CTNND2: variants seen among roughly 807,000 people sequenced by gnomAD.
The protein encoded by CTNND2 is catenin delta 2.
CTNND2 carries 22 observed loss-of-function variants against 144.4 expected under a neutral mutation model. That is an observed-to-expected ratio of 0.15 (90% CI 0.11 to 0.22). The LOEUF is 0.22. CTNND2 is among the 10% of genes least tolerant of loss of function. CTNND2 has a pLI of 1.00. For missense variants in CTNND2, 1,353 were observed against 1,618.8 expected (o/e 0.84, Z 2.82); for synonymous variants, 751 against 695.6 (o/e 1.08, Z -1.25).
intron 9 of CTNND2, among the ~76,000 whole-genome samples, chr5:11,327,010 T>C (rs80238974): frequency 0.014 from 2,139 of 152,194 alleles, 12 homozygotes; most frequent in South Asian, 0.047. Flanking sequence ...TCCTCCTAAT[T>C]GGTAAGGAGC....
intron 3 of CTNND2, among the ~76,000 whole-genome samples, chr5:11,450,967 T>C (rs1765266836): frequency 6.6e-6 from 1 of 151,850 alleles, no homozygotes; most frequent in Admixed American, 6.6e-5. Context: ...CCTTCACAGT[T>C]TTGGACAAAA....
At chr5:11,697,847 A>C in intron 2 of CTNND2, among the ~76,000 whole-genome samples, 1 of 152,192 alleles carries the variant, frequency 6.6e-6, no homozygotes, top group East Asian at 1.9e-4. Flanking sequence ...ACTGCAGCCT[A>C]AAGGACGGGA....
At chr5:11,638,969 C>T (rs1781853371) in intron 2 of CTNND2, among the ~76,000 whole-genome samples, 1 of 152,106 alleles carries the variant, frequency 6.6e-6, no homozygotes, top group African/African-American at 2.4e-5. Flanking sequence ...CCGGTTTTGG[C>T]CCATCTTTTC....
intron 1 of CTNND2, among the ~76,000 whole-genome samples, chr5:11,757,202 C>G (rs1484200056): frequency 6.6e-6 from 1 of 151,402 alleles, no homozygotes; most frequent in Non-Finnish European, 1.5e-5. Flanking sequence ...CACACACACA[C>G]ATAACAAAAA....
At chr5:11,112,295 T>C (rs938466072) in intron 13 of CTNND2, among the ~76,000 whole-genome samples, 2 of 152,190 alleles carry the variant, frequency 1.3e-5, no homozygotes, top group Non-Finnish European at 2.9e-5. Context: ...AAGGGGCCTG[T>C]ACGTCAAAGA....
chr5:11,194,340 T>G (rs1736640495), intron 11 of CTNND2, among the ~76,000 whole-genome samples: 1 of 152,024 alleles, frequency 6.6e-6, no homozygotes, highest in East Asian at 1.9e-4. Flanking sequence ...TTCACCTAGG[T>G]TGAAAGAATA....
At chr5:11,327,763 G>A (rs1752679560) in intron 9 of CTNND2, among the ~76,000 whole-genome samples, 2 of 152,150 alleles carry the variant, frequency 1.3e-5, no homozygotes, top group Admixed American at 1.3e-4. Context: ...AGACATTAAT[G>A]CGTGCAGAAA....
rs527799806 is a variant in CTNND2, at chr5:11,890,716, T to C, written c.37+13101A>G. Among the ~76,000 whole-genome samples, 8 of 152,290 alleles carry C rather than the reference T, an allele frequency of 5.3e-5. 1 individual carries two copies. Among genetic ancestry groups the C allele is most frequent in the Admixed American group, 5.2e-4 (8 of 15,300 alleles). ...GGAAGGAGACATGGAAACAAACCTGTAAACCAACAAATAAATGAGATGATT... is the reference window on the plus strand; with the variant it reads ...GGAAGGAGACATGGAAACAAACCTGCAAACCAACAAATAAATGAGATGATT... On this transcript the variant is annotated intron_variant, in intron 1 of 21. Transcript: ENST00000304623.
chr5:11,449,933 C>T (rs931236373), intron 3 of CTNND2, among the ~76,000 whole-genome samples: 3 of 152,202 alleles, frequency 2.0e-5, no homozygotes, highest in African/African-American at 7.2e-5. Context: ...CCAAGGAATT[C>T]ATCATCTGTA....
chr5:11,454,227 C>T (rs1486458882), intron 3 of CTNND2, among the ~76,000 whole-genome samples: 1 of 152,142 alleles, frequency 6.6e-6, no homozygotes, highest in Non-Finnish European at 1.5e-5. Flanking sequence ...TGAGACCATC[C>T]TGGCCAACAT....
chr5:11,402,037 T>C (rs1020183169), intron 5 of CTNND2, among the ~76,000 whole-genome samples: 10 of 152,228 alleles, frequency 6.6e-5, no homozygotes, highest in African/African-American at 2.4e-4. Context: ...CCACACATTA[T>C]TCATGCTTTC....
At chr5:11,609,533 T>G (rs1016569397) in intron 2 of CTNND2, among the ~76,000 whole-genome samples, 6 of 152,144 alleles carry the variant, frequency 3.9e-5, no homozygotes, top group African/African-American at 1.4e-4. Flanking sequence ...ATGGAGAGAA[T>G]GATATTTCTT....
intron 1 of CTNND2, among the ~76,000 whole-genome samples, chr5:11,810,322 A>G (rs1310134695): frequency 6.6e-6 from 1 of 152,196 alleles, no homozygotes; most frequent in Non-Finnish European, 1.5e-5. Flanking sequence ...GAAAAGGAAG[A>G]AAGGGCTTCA....
chr5:11,589,762 G>A (rs554880898), intron 2 of CTNND2, among the ~76,000 whole-genome samples: 66 of 152,232 alleles, frequency 4.3e-4, no homozygotes, highest in African/African-American at 1.5e-3. Context: ...ATTGACCTTT[G>A]TACCAAATGG....
intron 2 of CTNND2, among the ~76,000 whole-genome samples, chr5:11,726,365 T>C (rs1787019204): frequency 6.6e-6 from 1 of 152,092 alleles, no homozygotes; most frequent in African/African-American, 2.4e-5. Context: ...AATAAAATAT[T>C]TATAAAGCAA....
intron 12 of CTNND2, among the ~76,000 whole-genome samples, chr5:11,150,617 CTTTTTTT>C (rs10602477): frequency 1.4e-5 from 1 of 72,068 alleles, no homozygotes; most frequent in Non-Finnish European, 2.5e-5. Flanking sequence ...CTGCTGCCTT[CTTTTTTT>C]TTTTTTTTTT....
chr5:11,131,125 TGTTA>T (rs2149718719), intron 12 of CTNND2, among the ~76,000 whole-genome samples: 1 of 152,326 alleles, frequency 6.6e-6, no homozygotes, highest in East Asian at 1.9e-4. Flanking sequence ...CTTCTTTCTT[TGTTA>T]AACAAAATTA....
At chr5:11,896,407 T>C (rs1033381263) in intron 1 of CTNND2, among the ~76,000 whole-genome samples, 2 of 152,172 alleles carry the variant, frequency 1.3e-5, no homozygotes, top group Non-Finnish European at 2.9e-5. Context: ...TTCTGTATTT[T>C]TGAATTTTCA....
chr5:11,257,070 C>T (rs1744328558), intron 9 of CTNND2, among the ~76,000 whole-genome samples: 1 of 152,208 alleles, frequency 6.6e-6, no homozygotes, highest in African/African-American at 2.4e-5. Context: ...AGAAAGGTCA[C>T]AGGAAATTAA....
Sources: gnomAD v4.1 joint callset for allele counts (sites outside exome capture counted in the v4.1 genomes callset) on GRCh38, gnomAD v4.1.1 for gene constraint, MANE v1.5 for transcripts, NCBI Gene and HGNC (gene_info 2026-07-23, HGNC 2026-07-21) for gene names.